Variants in RPL36 observed in about 807,000 individuals in gnomAD.
RPL36 encodes ribosomal protein L36.
For missense variants in RPL36, 131 were observed against 144.9 expected (o/e 0.90, Z 0.49); for synonymous variants, 74 against 56.0 (o/e 1.32, Z -1.44).
chr19:5,690,473 A>ACCTCCGCCCCTTCTCC (rs1397781955), intron 1 of RPL36, 33 bp from the exon 2 acceptor site: 6 of 1,499,866 alleles, frequency 4.0e-6, no homozygotes, highest in Non-Finnish European at 5.4e-6. Flanking sequence ...GCCGGTACTC[A>ACCTCCGCCCCTTCTCC]CCTCCGCCCC....
chr19:5,690,481 C>T (rs1261421615), intron 1 of RPL36, 25 bp from the exon 2 acceptor site: 4 of 1,528,676 alleles, frequency 2.6e-6, no homozygotes, highest in South Asian at 1.2e-5. Flanking sequence ...TCACCTCCGC[C>T]CCTTCTCCCC....
At position 5,690,512 on chromosome 19, in the gene RPL36, C is replaced by T. The variant is rs1302658480; in HGVS notation, c.5C>T (p.Ala2Val). 1 of 1,557,034 alleles carries T rather than the reference C, an allele frequency of 6.4e-7. No individual in the cohort carries two copies. MALRYPMAVGLN... is the reference protein window; with the variant it reads MVLRYPMAVGLN... ...TCCCCGTCGCTGTCCGCAGCCATGG[C>T]CCTACGCTACCCTATGGCCGTGGGC... Residue 2 changes from alanine (A) to valine (V), a missense_variant, in exon 2 of 4, where the codon GCC becomes GTC. Ala to Val is a moderately conservative substitution (Grantham distance 64). Coordinates refer to ENST00000347512, the MANE Select transcript of RPL36 (RefSeq NM_033643.3).
At chr19:5,690,635 T>C in intron 2 of RPL36, 35 bp downstream of exon 2, 1 of 1,504,842 alleles carries the variant, frequency 6.6e-7, no homozygotes, top group Non-Finnish European at 9.0e-7. Flanking sequence ...TTGTCGGGGG[T>C]TTCTTGGAGG....
chr19:5,690,848 C>G (rs1187435433), intron 2 of RPL36: 1 of 582,534 alleles, frequency 1.7e-6, no homozygotes, highest in East Asian at 2.9e-5. Flanking sequence ...CGGCGCGGGG[C>G]AGCGGGTTTG....
At position 5,691,831 on chromosome 19, in the gene RPL36, C is replaced by T; in HGVS notation, c.*210C>T. ...CCCGGGGCAGCAGGTGAGGAAGCCGCCGTACTGCAAATGACTTTAATCATT... is the reference window on the plus strand; with the variant it reads ...CCCGGGGCAGCAGGTGAGGAAGCCGTCGTACTGCAAATGACTTTAATCATT... On this transcript the variant is annotated 3_prime_UTR_variant, in exon 4 of 4. Transcript: ENST00000347512. 1 of 802,016 alleles carries T rather than the reference C, an allele frequency of 1.2e-6. No homozygotes were observed. Among genetic ancestry groups the T allele is most frequent in the Non-Finnish European group, 2.0e-6 (1 of 511,052 alleles). The allele number at this position is 802,016 out of a possible 1,614,324, so 49.7% of individuals were successfully genotyped here. A position where few individuals can be genotyped will look rare whatever the true frequency, so the allele number is the denominator to read the frequency against.
rs1031184108 is a variant in RPL36, at chr19:5,690,323, A to C, written c.-7A>C. ...TCCGCCACGGCCGTCTCTGGAGAGC[A>C]GCAGGTAAGTGGTTTCCCGCACTGC... On this transcript the variant is annotated 5_prime_UTR_variant, in exon 1 of 4. Transcript: ENST00000347512. 1.2e-4 allele frequency: 77 copies of C among 643,912 alleles called. No individual in the cohort carries two copies. The highest frequency in any genetic ancestry group is 2.0e-4 in the Non-Finnish European group (72 of 352,080). 39.9% of individuals were successfully genotyped at this position (643,912 alleles called of 1,614,324 possible). A position where few individuals can be genotyped will look rare whatever the true frequency, so the allele number is the denominator to read the frequency against.
chr19:5,691,243 G>A, intron 2 of RPL36, 76 bp from the exon 3 acceptor site: 2 of 1,602,546 alleles, frequency 1.2e-6, no homozygotes, highest in Non-Finnish European at 8.5e-7. Context: ...CAGGGAAATC[G>A]CGGCAGCGCG....
At chr19:5,690,734 G>A in intron 2 of RPL36, 134 bp downstream of exon 2, 7 of 727,928 alleles carry the variant, frequency 9.6e-6, no homozygotes, top group South Asian at 1.6e-5. Flanking sequence ...GGAAGAGATG[G>A]GGTGGGGGAG....
Position 5,691,811 on chromosome 19 carries a change from G to A in RPL36, c.*190G>A, listed in dbSNP as rs1427536410. 1.2e-6 allele frequency: 1 copy of A among 817,792 alleles called. No individual in the cohort carries two copies. Among genetic ancestry groups the A allele is most frequent in the African/African-American group, 1.7e-5 (1 of 58,700 alleles). The allele number at this position is 817,792 out of a possible 1,614,324, so 50.7% of individuals were successfully genotyped here. ...GCCGTGGCCCGCCCACCCTTCCCGG[G>A]GCAGCAGGTGAGGAAGCCGCCGTAC... On this transcript the variant is annotated 3_prime_UTR_variant, in exon 4 of 4. Coordinates refer to ENST00000347512, the MANE Select transcript of RPL36 (RefSeq NM_033643.3).
chr19:5,691,804 T>C lies in RPL36; in HGVS notation c.*183T>C. 2.4e-6 allele frequency: 2 copies of C among 820,614 alleles called. No individual in the cohort carries two copies. The highest frequency in any genetic ancestry group is 1.9e-6 in the Non-Finnish European group (1 of 519,902). The allele number at this position is 820,614 out of a possible 1,614,324, so 50.8% of individuals were successfully genotyped here. On this transcript the variant is annotated 3_prime_UTR_variant, in exon 4 of 4. Coordinates refer to ENST00000347512, the MANE Select transcript of RPL36 (RefSeq NM_033643.3). ...ATCAAAAGCCGTGGCCCGCCCACCCTTCCCGGGGCAGCAGGTGAGGAAGCC... is the reference window on the plus strand; with the variant it reads ...ATCAAAAGCCGTGGCCCGCCCACCCCTCCCGGGGCAGCAGGTGAGGAAGCC...
In RPL36 at chr19:5,691,688, C is replaced by T. The variant is rs2054823492; in HGVS notation, c.*67C>T. On this transcript the variant is annotated 3_prime_UTR_variant, in exon 4 of 4. Coordinates refer to ENST00000347512, the MANE Select transcript of RPL36 (RefSeq NM_033643.3). ...CAGAAGCCCTGGCTCTCCTGCTGTCCGTGGGTGGGTGTGGGTGTGTCGGGG... is the reference window on the plus strand; with the variant it reads ...CAGAAGCCCTGGCTCTCCTGCTGTCTGTGGGTGGGTGTGGGTGTGTCGGGG... 7 of 1,492,968 alleles carry T rather than the reference C, an allele frequency of 4.7e-6. No homozygotes were observed. Among genetic ancestry groups the T allele is most frequent in the East Asian group, 2.4e-5 (1 of 41,124 alleles). The allele number at this position is 1,492,968 out of a possible 1,614,324, so 92.5% of individuals were successfully genotyped here.
chr19:5,691,207 GCTA>G, intron 2 of RPL36, 109 bp from the exon 3 acceptor site: 1 of 1,520,228 alleles, frequency 6.6e-7, no homozygotes, highest in Non-Finnish European at 9.1e-7. Context: ...GGTTCTCACA[GCTA>G]CCCACAGAGG....
chr19:5,691,301 C>T lies in RPL36; in HGVS notation c.94-18C>T. 6.2e-7 allele frequency: 1 copy of T among 1,612,286 alleles called. No homozygotes were observed. The highest frequency in any genetic ancestry group is 1.1e-5 in the South Asian group (1 of 90,998). ...GCAGGGATCCCCCTACCCTGACGGC[C>T]GCCCCTTTCCCCCCTAGCGTCTGAC... On this transcript the variant is annotated intron_variant, in intron 2 of 3. Transcript: ENST00000347512.
Position 5,691,444 on chromosome 19 carries a change from CAAG to C in RPL36, c.222_224del (p.Lys75del), listed in dbSNP as rs2054817671. 1 of 1,613,734 alleles carries C rather than the reference CAAG, an allele frequency of 6.2e-7. No individual in the cohort carries two copies. Among genetic ancestry groups the C allele is most frequent in the African/African-American group, 1.3e-5 (1 of 74,904 alleles). ...AGGACAAACGGGCCCTCAAATTTAT[CAAG>C]AAAAGGGTAGGTGGGCGCTGCCGGC... On this transcript the variant is annotated inframe_deletion, in exon 3 of 4. Transcript: ENST00000347512.
chr19:5,691,313 C>G lies in RPL36; in HGVS notation c.94-6C>G, dbSNP rs1412605567. Reference sequence around the variant, plus strand: ...CTACCCTGACGGCCGCCCCTTTCCCCCCTAGCGTCTGACCAAACACACCAA... The same window carrying G: ...CTACCCTGACGGCCGCCCCTTTCCCGCCTAGCGTCTGACCAAACACACCAA... On this transcript the variant is annotated splice_polypyrimidine_tract_variant and splice_region_variant and intron_variant, in intron 2 of 3. Transcript: ENST00000347512. 1.9e-6 allele frequency: 3 copies of G among 1,612,466 alleles called. No homozygotes were observed. In the Admixed American group the frequency reaches 5.0e-5, roughly 27 times the overall value.
At chr19:5,691,495 G>C (rs762942104) in intron 3 of RPL36, 37 bp from the exon 4 acceptor site, 1 of 1,607,738 alleles carries the variant, frequency 6.2e-7, no homozygotes, top group Non-Finnish European at 8.5e-7. Flanking sequence ...TGGGATGGGA[G>C]TCAGGGCCGG....
At chr19:5,690,737 TG>T in intron 2 of RPL36, 137 bp downstream of exon 2, 2 of 676,228 alleles carry the variant, frequency 3.0e-6, no homozygotes, top group Non-Finnish European at 5.2e-6. Context: ...AGAGATGGGG[TG>T]GGGGAGTGGG....
At chr19:5,690,710 A>AG (rs1436735358) in intron 2 of RPL36, 110 bp downstream of exon 2, 2 of 836,980 alleles carry the variant, frequency 2.4e-6, no homozygotes, top group South Asian at 1.5e-5. Context: ...CGCAGAACTA[A>AG]GGGGGGCTTG....
chr19:5,691,208 C>T, intron 2 of RPL36, 111 bp from the exon 3 acceptor site: 1 of 1,520,038 alleles, frequency 6.6e-7, no homozygotes. Flanking sequence ...GTTCTCACAG[C>T]TACCCACAGA....
Sources: gnomAD v4.1 joint callset for allele counts on GRCh38, gnomAD v4.1.1 for gene constraint, MANE v1.5 for transcripts, NCBI Gene and HGNC (gene_info 2026-07-23, HGNC 2026-07-21) for gene names.